ASTN2: variants seen among roughly 807,000 people sequenced by gnomAD.
The protein encoded by ASTN2 is astrotactin-2.
A neutral mutation model predicts 139.8 loss-of-function variants in ASTN2; 54 were observed. That is an observed-to-expected ratio of 0.39 (90% CI 0.31 to 0.48). The LOEUF (loss-of-function observed/expected upper bound fraction) is 0.48, where lower values mean the gene tolerates loss of function less well. Among genes scored for constraint, ASTN2 ranks in the 20% least tolerant of loss-of-function variants. The probability of loss-of-function intolerance (pLI) is 0.95; values close to 1 mark genes in which losing one functional copy is unlikely to be tolerated. For missense variants in ASTN2, 1,565 were observed against 1,725.1 expected, an observed-to-expected ratio of 0.91 and a Z score of 1.64; for synonymous variants, 756 against 719.5, an observed-to-expected ratio of 1.05 and a Z score of -0.81.
At chr9:116,529,390 G>C (rs571865498) in intron 19 of ASTN2, among the ~76,000 whole-genome samples, 1 of 152,206 alleles carries the variant, frequency 6.6e-6, no homozygotes, top group East Asian at 1.9e-4. Flanking sequence ...TTTGTAATGA[G>C]GGCATTTACC....
chr9:117,215,440 TC>T (rs1832282067), intron 2 of ASTN2, among the ~76,000 whole-genome samples: 1 of 149,364 alleles, frequency 6.7e-6, no homozygotes, highest in South Asian at 2.1e-4. Context: ...TTTCTAGGGC[TC>T]CTTTAATAAG....
chr9:116,871,470 T>C (rs1410639328), intron 10 of ASTN2, among the ~76,000 whole-genome samples: 12 of 152,150 alleles, frequency 7.9e-5, no homozygotes, highest in Admixed American at 7.9e-4. Flanking sequence ...CCTGCCTACT[T>C]CCTCCCAATG....
intron 1 of ASTN2, among the ~76,000 whole-genome samples, chr9:117,306,916 G>A (rs1835014118): frequency 6.6e-6 from 1 of 152,206 alleles, no homozygotes; most frequent in African/African-American, 2.4e-5. Context: ...GCCAGAGCCA[G>A]GAGGAATGTC....
intron 11 of ASTN2, among the ~76,000 whole-genome samples, chr9:116,827,270 C>T (rs2416578): frequency 0.8 from 113,818 of 143,008 alleles, 45,521 homozygotes; most frequent in East Asian, 0.92. Flanking sequence ...GATTGCGCCA[C>T]TGCACTCCAG....
chr9:117,372,220 A>G (rs943372524), intron 1 of ASTN2, among the ~76,000 whole-genome samples: 2 of 152,184 alleles, frequency 1.3e-5, no homozygotes, highest in Non-Finnish European at 2.9e-5. Flanking sequence ...TTGGCACATT[A>G]GCCCTGCACC....
At chr9:116,620,472 A>G in intron 17 of ASTN2, 29 bp from the exon 18 acceptor site, 1 of 1,613,664 alleles carries the variant, frequency 6.2e-7, no homozygotes, top group Non-Finnish European at 8.5e-7. Context: ...CAGAATAGAC[A>G]ATGATGACAA....
chr9:117,027,997 G>A (rs981023768), intron 6 of ASTN2, among the ~76,000 whole-genome samples: 2 of 152,124 alleles, frequency 1.3e-5, no homozygotes, highest in Non-Finnish European at 2.9e-5. Flanking sequence ...GTAAGTGGAG[G>A]AGTGTAGATT....
At chr9:117,252,073 G>A (rs935544394) in intron 2 of ASTN2, among the ~76,000 whole-genome samples, 1 of 152,192 alleles carries the variant, frequency 6.6e-6, no homozygotes, top group Non-Finnish European at 1.5e-5. Flanking sequence ...TTGGAGAAGA[G>A]GTGTCTTTGG....
At chr9:116,502,730 G>GGAAT (rs141207691) in intron 19 of ASTN2, among the ~76,000 whole-genome samples, 6 of 21,272 alleles carry the variant, frequency 2.8e-4, no homozygotes, top group East Asian at 7.9e-4. Flanking sequence ...AAGGAAGGAA[G>GGAAT]GAATGAATGA....
intron 16 of ASTN2, among the ~76,000 whole-genome samples, chr9:116,663,248 C>G (rs1186145790): frequency 1.3e-5 from 2 of 152,178 alleles, no homozygotes; most frequent in Non-Finnish European, 2.9e-5. Flanking sequence ...CCCACTTGAA[C>G]ATATTTGAAG....
intron 20 of ASTN2, among the ~76,000 whole-genome samples, chr9:116,469,875 G>C (rs575296385): frequency 6.6e-6 from 1 of 152,264 alleles, no homozygotes; most frequent in East Asian, 1.9e-4. Flanking sequence ...ACATAATTTA[G>C]ATTATGGGTT....
intron 5 of ASTN2, among the ~76,000 whole-genome samples, chr9:117,082,927 T>C (rs1828466756): frequency 2.0e-5 from 3 of 152,240 alleles, no homozygotes; most frequent in Non-Finnish European, 2.9e-5. Flanking sequence ...CTCTCGTCCA[T>C]ATTTCAGGTA....
At chr9:116,801,961 T>C (rs1423084850) in intron 13 of ASTN2, among the ~76,000 whole-genome samples, 1 of 152,038 alleles carries the variant, frequency 6.6e-6, no homozygotes, top group East Asian at 1.9e-4. Flanking sequence ...GGTTGAGAAG[T>C]TGGAAACAAT....
intron 5 of ASTN2, among the ~76,000 whole-genome samples, chr9:117,078,991 C>T (rs1828352455): frequency 6.6e-6 from 1 of 152,164 alleles, no homozygotes; most frequent in Non-Finnish European, 1.5e-5. Context: ...CTGCCTCGGC[C>T]TCCCAAAGTG....
intron 20 of ASTN2, among the ~76,000 whole-genome samples, chr9:116,472,409 C>G (rs1030997235): frequency 2.0e-5 from 3 of 152,316 alleles, no homozygotes; most frequent in Middle Eastern, 3.4e-3. Context: ...ACAGCCTCCT[C>G]AGAACTCGCA....
chr9:117,109,164 T>C (rs1587973031), intron 4 of ASTN2, among the ~76,000 whole-genome samples: 1 of 151,658 alleles, frequency 6.6e-6, no homozygotes, highest in South Asian at 2.1e-4. Context: ...TGCCTGTAAT[T>C]CCAGCTACTC....
intron 6 of ASTN2, among the ~76,000 whole-genome samples, chr9:117,027,490 C>T (rs918149485): frequency 1.3e-5 from 2 of 152,180 alleles, no homozygotes; most frequent in African/African-American, 4.8e-5. Context: ...CTACCTGCTC[C>T]TGCCACACCT....
intron 5 of ASTN2, among the ~76,000 whole-genome samples, chr9:117,078,850 C>T (rs1828347584): frequency 6.6e-6 from 1 of 152,136 alleles, no homozygotes; most frequent in Admixed American, 6.5e-5. Flanking sequence ...ATTCTCCTGC[C>T]TCGGCCTCCC....
At chr9:116,446,303 A>T (rs1037691425) in intron 20 of ASTN2, among the ~76,000 whole-genome samples, 3 of 150,624 alleles carry the variant, frequency 2.0e-5, no homozygotes, top group African/African-American at 7.3e-5. Context: ...AGAGAGAGAG[A>T]GAGAGAATAA....
Sources: gnomAD v4.1 joint callset for allele counts (sites outside exome capture counted in the v4.1 genomes callset) on GRCh38, gnomAD v4.1.1 for gene constraint, MANE v1.5 for transcripts, NCBI Gene and HGNC (gene_info 2026-07-23, HGNC 2026-07-21) for gene names.